CCDC171: variants seen among roughly 807,000 people sequenced by gnomAD.
The protein encoded by CCDC171 is coiled-coil domain containing 171, also known as coiled-coil domain-containing protein 171.
Under a neutral mutation model 168.2 loss-of-function variants are expected in CCDC171, and 177 were observed. That is an observed-to-expected ratio of 1.05 (90% confidence interval 0.93 to 1.19). The LOEUF is 1.19. Ranked by LOEUF, CCDC171 falls within the 50% of genes most tolerant of loss-of-function variation. CCDC171 has a pLI of 0.00. For missense variants in CCDC171, 1,991 were observed against 1,539.0 expected, an observed-to-expected ratio of 1.29 and a Z score of -4.91; for synonymous variants, 687 against 540.8, an observed-to-expected ratio of 1.27 and a Z score of -3.75.
intron 6 of CCDC171, among the ~76,000 whole-genome samples, chr9:15,605,993 G>C (rs2043199623): frequency 6.6e-6 from 1 of 152,062 alleles, no homozygotes; most frequent in Non-Finnish European, 1.5e-5. Context: ...CAGATATGCT[G>C]TGTTTTTTTC....
intron 24 of CCDC171, among the ~76,000 whole-genome samples, chr9:15,892,609 C>A (rs1296195426): frequency 6.6e-6 from 1 of 151,954 alleles, no homozygotes; most frequent in East Asian, 1.9e-4. Flanking sequence ...TCTCAGAGTA[C>A]AAAATCGGTG....
rs371854389 is a variant in CCDC171, at chr9:15,574,967, T to A, written c.177+3208T>A. Among the ~76,000 whole-genome samples, 5 of 152,112 alleles carry A rather than the reference T, an allele frequency of 3.3e-5. No homozygotes were observed. In the East Asian group the frequency reaches 5.8e-4, roughly 18 times the overall value. ...TCCAGATGAGACTGAATTGCATTGA[T>A]GTAGGTGATTGGGATGGGAAAATAC... On this transcript the variant is annotated intron_variant, in intron 3 of 25. Coordinates refer to ENST00000380701, the MANE Select transcript of CCDC171 (RefSeq NM_173550.4).
chr9:15,864,467 G>A (rs369295154), intron 23 of CCDC171, among the ~76,000 whole-genome samples: 7 of 151,624 alleles, frequency 4.6e-5, no homozygotes, highest in Non-Finnish European at 5.9e-5. Context: ...CCCGCTCCCC[G>A]CACCCCACGA....
intron 7 of CCDC171, among the ~76,000 whole-genome samples, chr9:15,628,819 C>T (rs888970713): frequency 3.7e-4 from 57 of 152,172 alleles, no homozygotes; most frequent in African/African-American, 1.3e-3. Context: ...GCCGGGTACT[C>T]CTCTGAGACA....
At chr9:15,769,781 C>T (rs891941829) in intron 18 of CCDC171, among the ~76,000 whole-genome samples, 8 of 152,168 alleles carry the variant, frequency 5.3e-5, no homozygotes, top group African/African-American at 1.9e-4. Flanking sequence ...TCTGTGTACT[C>T]TTTGTTTATG....
chr9:15,863,691 A>G (rs946473796), intron 23 of CCDC171, among the ~76,000 whole-genome samples: 14 of 152,088 alleles, frequency 9.2e-5, no homozygotes, highest in African/African-American at 3.4e-4. Context: ...ATTGATTTAA[A>G]GTACTTATGT....
At chr9:15,866,398 A>G (rs886587630) in intron 23 of CCDC171, among the ~76,000 whole-genome samples, 1 of 152,138 alleles carries the variant, frequency 6.6e-6, no homozygotes, top group African/African-American at 2.4e-5. Flanking sequence ...GAGTGATGGT[A>G]GGTGGTGTCA....
intron 25 of CCDC171, among the ~76,000 whole-genome samples, chr9:15,946,674 A>C (rs111988687): frequency 0.05 from 7,669 of 152,092 alleles, 430 homozygotes; most frequent in African/African-American, 0.12. Context: ...AAAATACTTT[A>C]AAGTTCATAT....
chr9:16,097,574 C>T, the CCDC171 span, among the ~76,000 whole-genome samples: 1 of 152,160 alleles, frequency 6.6e-6, no homozygotes, highest in Non-Finnish European at 1.5e-5. Context: ...TGAACACAAC[C>T]TTTTGGATTT....
intron 8 of CCDC171, among the ~76,000 whole-genome samples, chr9:15,659,748 G>A (rs1202690558): frequency 2.0e-5 from 3 of 152,156 alleles, no homozygotes; most frequent in African/African-American, 7.2e-5. Flanking sequence ...AGGATGGTGG[G>A]ATTGCCAAAA....
At chr9:15,812,234 A>T (rs1232582117) in intron 21 of CCDC171, among the ~76,000 whole-genome samples, 3 of 152,202 alleles carry the variant, frequency 2.0e-5, no homozygotes, top group African/African-American at 7.2e-5. Flanking sequence ...TCTTATTCAA[A>T]CCTGTTATCT....
At chr9:16,092,738 G>C in the CCDC171 span, among the ~76,000 whole-genome samples, 5 of 152,130 alleles carry the variant, frequency 3.3e-5, no homozygotes, top group Non-Finnish European at 7.4e-5. Context: ...GTTTACCCTG[G>C]GCTCACCTTT....
chr9:15,910,406 A>G (rs1823448094), intron 24 of CCDC171, among the ~76,000 whole-genome samples: 1 of 152,074 alleles, frequency 6.6e-6, no homozygotes, highest in Non-Finnish European at 1.5e-5. Flanking sequence ...TCGCTTCTCC[A>G]TTCTGTTCCA....
intron 24 of CCDC171, among the ~76,000 whole-genome samples, chr9:15,914,118 G>T (rs1178308689): frequency 5.3e-5 from 8 of 152,190 alleles, no homozygotes; most frequent in Non-Finnish European, 1.0e-4. Context: ...GGATGCATGG[G>T]GGTCAGGGAC....
intron 8 of CCDC171, among the ~76,000 whole-genome samples, chr9:15,661,777 G>T (rs2048341420): frequency 6.6e-6 from 1 of 152,098 alleles, no homozygotes; most frequent in Non-Finnish European, 1.5e-5. Flanking sequence ...TCAATTGATT[G>T]GTTTACCATT....
chr9:15,737,324 G>A lies in CCDC171; in HGVS notation c.2050-6949G>A, dbSNP rs149954696. On this transcript the variant is annotated intron_variant, in intron 16 of 25. Coordinates refer to ENST00000380701, the MANE Select transcript of CCDC171 (RefSeq NM_173550.4). ...TACATGAAAAAGTAAATAATACAAGGTTTATCATAGGCTGTACATAATTAG... is the reference window on the plus strand; with the variant it reads ...TACATGAAAAAGTAAATAATACAAGATTTATCATAGGCTGTACATAATTAG... Among the ~76,000 whole-genome samples the A allele has an allele frequency of 6.6e-3, 999 of 152,148 alleles. 19 individuals carry two copies. The highest frequency in any genetic ancestry group is 0.023 in the African/African-American group (942 of 41,516).
intron 10 of CCDC171, among the ~76,000 whole-genome samples, chr9:15,680,722 T>TA (rs2049983070): frequency 6.6e-6 from 1 of 152,188 alleles, no homozygotes; most frequent in African/African-American, 2.4e-5. Flanking sequence ...AATGTTATCT[T>TA]AAATTTCATG....
At chr9:15,693,324 T>A (rs774527576) in intron 10 of CCDC171, among the ~76,000 whole-genome samples, 1 of 152,184 alleles carries the variant, frequency 6.6e-6, no homozygotes, top group Non-Finnish European at 1.5e-5. Context: ...TATGTTTTCA[T>A]TGATGAAGGG....
chr9:16,041,684 A>C (rs780000926), upstream of CCDC171, among the ~76,000 whole-genome samples: 1 of 152,240 alleles, frequency 6.6e-6, no homozygotes. Flanking sequence ...ATTGAAAATA[A>C]GAGGGCTTAT....
Sources: gnomAD v4.1 joint callset for allele counts (sites outside exome capture counted in the v4.1 genomes callset) on GRCh38, gnomAD v4.1.1 for gene constraint, MANE v1.5 for transcripts, NCBI Gene and HGNC (gene_info 2026-07-23, HGNC 2026-07-21) for gene names.